LINGO2: variants seen among roughly 807,000 people sequenced by gnomAD.
LINGO2 encodes the protein leucine rich repeat and Ig domain containing 2, also known as leucine-rich repeat and immunoglobulin-like domain-containing nogo receptor-interacting protein 2.
Under a neutral mutation model 30.6 loss-of-function variants are expected in LINGO2, and 14 were observed. The observed-to-expected ratio is 0.46, with a 90% CI of 0.30 to 0.72. The LOEUF (loss-of-function observed/expected upper bound fraction) is 0.72. Among genes scored for constraint, LINGO2 ranks in the 30% least tolerant of loss-of-function variants. The pLI is 0.07. For synonymous variants in LINGO2, 317 were observed against 288.5 expected (o/e 1.10, Z -1.00); for missense variants, 729 against 751.7 (o/e 0.97, Z 0.35).
chr9:29,094,274 T>C, the LINGO2 span, among the ~76,000 whole-genome samples: 41 of 139,252 alleles, frequency 2.9e-4, 10 homozygotes, highest in East Asian at 6.4e-3. Flanking sequence ...TAACCCTCTT[T>C]ATAAATAAAA....
At chr9:28,375,265 G>A (rs975112514) in intron 2 of LINGO2, among the ~76,000 whole-genome samples, 7 of 152,248 alleles carry the variant, frequency 4.6e-5, no homozygotes, top group Middle Eastern at 3.4e-3. Context: ...ATAGCAACAG[G>A]GGTAGATGCT....
chr9:28,265,016 T>C (rs934010897), intron 4 of LINGO2, among the ~76,000 whole-genome samples: 2 of 151,918 alleles, frequency 1.3e-5, no homozygotes, highest in Non-Finnish European at 2.9e-5. Context: ...TGGCCTGACC[T>C]ACAGATTTAA....
chr9:29,047,499 A>G, the LINGO2 span, among the ~76,000 whole-genome samples: 3 of 152,112 alleles, frequency 2.0e-5, no homozygotes, highest in Admixed American at 2.0e-4. Context: ...GCCATATAGG[A>G]AGACCCATAG....
chr9:28,739,420 G>C, the LINGO2 span, among the ~76,000 whole-genome samples: 1 of 151,864 alleles, frequency 6.6e-6, no homozygotes, highest in Non-Finnish European at 1.5e-5. Flanking sequence ...GGAATAAAAC[G>C]AGAGTTTTGT....
the LINGO2 span, among the ~76,000 whole-genome samples, chr9:28,987,233 G>A: frequency 6.6e-6 from 1 of 151,546 alleles, no homozygotes; most frequent in Admixed American, 6.6e-5. Flanking sequence ...CTCATTATTG[G>A]TCTGTTCGTA....
chr9:29,110,474 A>C, the LINGO2 span, among the ~76,000 whole-genome samples: 1 of 151,426 alleles, frequency 6.6e-6, no homozygotes, highest in African/African-American at 2.4e-5. Flanking sequence ...CTGGGACTAC[A>C]GGCGCCCGCC....
chr9:28,271,886 G>T lies in LINGO2; in HGVS notation c.-87+23322C>A, dbSNP rs75012562. 3.1e-3 allele frequency among the ~76,000 whole-genome samples: 465 copies of T among 152,206 alleles called. 5 individuals carry two copies. Among genetic ancestry groups the T allele is most frequent in the African/African-American group, 0.011 (445 of 41,534 alleles). On this transcript the variant is annotated intron_variant, in intron 4 of 5. Transcript: ENST00000379992. ...AATAGAAAAACAGTCCTTATCTCAG[G>T]CCTTCTGAATTAGAATCTGCACTGT...
chr9:28,798,806 T>C, the LINGO2 span, among the ~76,000 whole-genome samples: 1 of 152,104 alleles, frequency 6.6e-6, no homozygotes, highest in African/African-American at 2.4e-5. Context: ...GAATGGCACA[T>C]ATAAGAGAAG....
At chr9:28,954,458 A>T in the LINGO2 span, among the ~76,000 whole-genome samples, 1 of 152,148 alleles carries the variant, frequency 6.6e-6, no homozygotes, top group African/African-American at 2.4e-5. Flanking sequence ...GACACTGTTA[A>T]GTGACCTGCC....
At chr9:28,770,792 A>C in the LINGO2 span, among the ~76,000 whole-genome samples, 1 of 152,214 alleles carries the variant, frequency 6.6e-6, no homozygotes, top group Non-Finnish European at 1.5e-5. Flanking sequence ...ATTAATTGTT[A>C]TTTCTTAGTA....
chr9:27,955,657 T>G (rs1330701230), intron 5 of LINGO2, among the ~76,000 whole-genome samples: 1 of 137,856 alleles, frequency 7.3e-6, no homozygotes, highest in Non-Finnish European at 1.6e-5. Flanking sequence ...TTATGTCTGG[T>G]AGTATTGTTT....
chr9:28,691,349 A>G, the LINGO2 span, among the ~76,000 whole-genome samples: 5 of 152,192 alleles, frequency 3.3e-5, no homozygotes, highest in Non-Finnish European at 5.9e-5. Flanking sequence ...ACCCTTGGGT[A>G]AAGTTGACTG....
At chr9:29,010,733 A>T in the LINGO2 span, among the ~76,000 whole-genome samples, 3 of 152,198 alleles carry the variant, frequency 2.0e-5, no homozygotes, top group Non-Finnish European at 2.9e-5. Flanking sequence ...AAATATTTAG[A>T]TTTATTTGAA....
intron 1 of LINGO2, among the ~76,000 whole-genome samples, chr9:28,661,300 T>C (rs1828574875): frequency 6.6e-6 from 1 of 152,154 alleles, no homozygotes; most frequent in South Asian, 2.1e-4. Context: ...ACTCCTGTTG[T>C]ATCTGTCAGA....
chr9:28,634,550 A>G lies in LINGO2; in HGVS notation c.-365+35650T>C, dbSNP rs567301856. On this transcript the variant is annotated intron_variant, in intron 1 of 5. Transcript: ENST00000379992. The stretch of plus-strand genomic sequence containing the variant: ...ACCCAGGCTGGAGTGCAGTGGCACA[A>G]TCTCAGCTCACTGCAACCACCGCCT... Among the ~76,000 whole-genome samples the G allele has an allele frequency of 2.3e-4, 35 of 149,266 alleles. No individual in the cohort carries two copies. In the South Asian group the frequency reaches 4.9e-3, roughly 21 times the overall value.
At chr9:28,310,787 T>G (rs573103291) in intron 3 of LINGO2, among the ~76,000 whole-genome samples, 1 of 152,196 alleles carries the variant, frequency 6.6e-6, no homozygotes, top group Non-Finnish European at 1.5e-5. Flanking sequence ...AAAGTTTAAT[T>G]TGAAAATTTC....
intron 4 of LINGO2, among the ~76,000 whole-genome samples, chr9:28,061,945 G>A (rs1009482132): frequency 6.6e-6 from 1 of 151,974 alleles, no homozygotes; most frequent in African/African-American, 2.4e-5. Context: ...CACAGTGCCT[G>A]GCAATATTAC....
At chr9:28,978,808 GA>G in the LINGO2 span, among the ~76,000 whole-genome samples, 2 of 148,084 alleles carry the variant, frequency 1.4e-5, no homozygotes, top group African/African-American at 2.5e-5. Context: ...TTTATCCCAG[GA>G]AAAAAAATAT....
At chr9:28,804,134 G>A in the LINGO2 span, among the ~76,000 whole-genome samples, 4 of 151,970 alleles carry the variant, frequency 2.6e-5, no homozygotes, top group African/African-American at 7.2e-5. Context: ...CTCTATCCGT[G>A]TCAGTTCCCC....
Sources: allele counts gnomAD v4.1 joint callset (sites outside exome capture counted in the v4.1 genomes callset), GRCh38; gene constraint gnomAD v4.1.1; transcripts MANE v1.5; gene names NCBI Gene and HGNC (gene_info 2026-07-23, HGNC 2026-07-21).